Variants in HDAC4 observed in about 807,000 individuals in gnomAD.
HDAC4 encodes the protein histone deacetylase A.
A neutral mutation model predicts 135.1 loss-of-function variants in HDAC4; 16 were observed. That is an observed-to-expected ratio of 0.12 (90% CI 0.08 to 0.18). HDAC4 has a LOEUF of 0.18. HDAC4 is among the 10% of genes least tolerant of loss of function. The pLI is 1.00. For synonymous variants in HDAC4, 685 were observed against 653.4 expected (o/e 1.05, Z -0.74); for missense variants, 1,143 against 1,511.8 (o/e 0.76, Z 4.05).
intron 3 of HDAC4, 147 bp downstream of exon 3, chr2:239,236,446 C>A: frequency 1.5e-6 from 1 of 659,272 alleles, no homozygotes. Context: ...TCTTTTACCA[C>A]CAGGAAGAGC....
At chr2:239,324,851 C>T (rs374743113) in intron 2 of HDAC4, among the ~76,000 whole-genome samples, 30 of 152,102 alleles carry the variant, frequency 2.0e-4, no homozygotes, top group Admixed American at 1.6e-3. Flanking sequence ...ATGGCTGCAG[C>T]GCCCTGGCTT....
Position 239,054,741 on chromosome 2 carries a change from C to G in HDAC4, c.3088+8G>C. 1.9e-6 allele frequency: 3 copies of G among 1,601,226 alleles called. No homozygotes were observed. Among genetic ancestry groups the G allele is most frequent in the Non-Finnish European group, 2.6e-6 (3 of 1,168,314 alleles). On this transcript the variant is annotated splice_region_variant and intron_variant, in intron 25 of 26. Transcript: ENST00000543185. ...TGTCCCCTGTGAGCACCCAGCCAGG[C>G]AACTTACTGTGGATCTCCATGACTT... is the stretch of plus-strand genomic sequence containing the variant.
intron 4 of HDAC4, among the ~76,000 whole-genome samples, chr2:239,177,439 A>G (rs1340017774): frequency 6.6e-6 from 1 of 152,150 alleles, no homozygotes; most frequent in African/African-American, 2.4e-5. Flanking sequence ...GAAAAAACTA[A>G]CGCACAAGGA....
chr2:239,337,366 G>A (rs754949983), intron 2 of HDAC4, among the ~76,000 whole-genome samples: 6 of 152,074 alleles, frequency 3.9e-5, no homozygotes, highest in East Asian at 1.9e-4. Context: ...GCCACTAACC[G>A]GTGGGGACTC....
At chr2:239,304,079 G>T (rs7355702) in intron 2 of HDAC4, among the ~76,000 whole-genome samples, 1 of 152,130 alleles carries the variant, frequency 6.6e-6, no homozygotes, top group African/African-American at 2.4e-5. Flanking sequence ...CCAGCTCCCC[G>T]ACCCGTAAGC....
intron 1 of HDAC4, among the ~76,000 whole-genome samples, chr2:239,367,314 G>T (rs1300523456): frequency 2.0e-5 from 3 of 152,094 alleles, no homozygotes; most frequent in Non-Finnish European, 4.4e-5. Flanking sequence ...CCATAGACTG[G>T]CAAAGGGTAA....
chr2:239,280,770 TACACACCACTCTACAATGA>T (rs1383477131), intron 2 of HDAC4, among the ~76,000 whole-genome samples: 35 of 151,982 alleles, frequency 2.3e-4, no homozygotes, highest in African/African-American at 8.5e-4. Context: ...CTCCACAATG[TACACACCACTCTACAATGA>T]ACACACCACT....
At chr2:239,389,436 G>C (rs1004413757) in intron 1 of HDAC4, among the ~76,000 whole-genome samples, 1 of 152,134 alleles carries the variant, frequency 6.6e-6, no homozygotes, top group Non-Finnish European at 1.5e-5. Flanking sequence ...AGAAACCCCG[G>C]ACACATCTGA....
chr2:239,282,263 CACAATGTACACACCACTCT>C (rs2050821494), intron 2 of HDAC4, among the ~76,000 whole-genome samples: 1 of 132,550 alleles, frequency 7.5e-6, no homozygotes, highest in South Asian at 2.7e-4. Context: ...CCACTCTACA[CACAATGTACACACCACTCT>C]ACAATGTACA....
chr2:239,272,760 G>A (rs1280008326), intron 2 of HDAC4, among the ~76,000 whole-genome samples: 2 of 152,210 alleles, frequency 1.3e-5, no homozygotes, highest in Non-Finnish European at 2.9e-5. Context: ...TGCCCCAGGC[G>A]ATGCCCTCTG....
At chr2:239,074,002 G>A (rs911574913) in intron 22 of HDAC4, among the ~76,000 whole-genome samples, 5 of 147,354 alleles carry the variant, frequency 3.4e-5, no homozygotes, top group East Asian at 4.0e-4. Context: ...CAGGACTGAG[G>A]GGGGCAGCAG....
Position 239,309,400 on chromosome 2 carries a change from C to T in HDAC4, c.22+43278G>A, listed in dbSNP as rs1353714724. On this transcript the variant is annotated intron_variant, in intron 2 of 26. Transcript: ENST00000543185. This position sits in a 1 kb window ranked among gnomAD's most constrained non-coding sequence, Gnocchi z 4.2. ...ACTTAGTGCAGAGGCTGCACCCTTCCAGGCTGAAACCCAGCACCTACAGCA... is the reference window on the plus strand; with the variant it reads ...ACTTAGTGCAGAGGCTGCACCCTTCTAGGCTGAAACCCAGCACCTACAGCA... 2.0e-5 allele frequency among the ~76,000 whole-genome samples: 3 copies of T among 152,212 alleles called. No individual in the cohort carries two copies. The highest frequency in any genetic ancestry group is 6.5e-5 in the Admixed American group (1 of 15,282).
At chr2:239,291,955 G>C (rs897686795) in intron 2 of HDAC4, among the ~76,000 whole-genome samples, 1 of 152,234 alleles carries the variant, frequency 6.6e-6, no homozygotes, top group African/African-American at 2.4e-5. Context: ...CACAGCAACT[G>C]ATGGGGCAGG....
At chr2:239,154,684 G>A (rs1473703407) in intron 7 of HDAC4, 1 of 152,164 alleles carries the variant, frequency 6.6e-6, no homozygotes, top group East Asian at 1.9e-4. Flanking sequence ...AGGGAACCTG[G>A]AGGGCGATTT....
chr2:239,322,680 G>A (rs2053353549), intron 2 of HDAC4, among the ~76,000 whole-genome samples: 2 of 152,340 alleles, frequency 1.3e-5, no homozygotes, highest in South Asian at 4.1e-4. Flanking sequence ...CACAAGAGGT[G>A]TCTTGACTGG....
intron 2 of HDAC4, among the ~76,000 whole-genome samples, chr2:239,292,182 G>C (rs1325650611): frequency 1.3e-5 from 2 of 152,348 alleles, no homozygotes; most frequent in Middle Eastern, 6.8e-3. Flanking sequence ...AAGTGTTCCG[G>C]TGTTTTGTCA....
intron 1 of HDAC4, among the ~76,000 whole-genome samples, chr2:239,361,318 C>T (rs1051288703): frequency 6.6e-6 from 1 of 152,144 alleles, no homozygotes; most frequent in African/African-American, 2.4e-5. Context: ...CAAAAGAAAC[C>T]GTTTTCTGCC....
intron 12 of HDAC4, among the ~76,000 whole-genome samples, chr2:239,120,901 A>C (rs1254753224): frequency 6.6e-6 from 1 of 151,694 alleles, no homozygotes; most frequent in African/African-American, 2.4e-5. Flanking sequence ...GATCGAGGAA[A>C]AGGGTTTGTC....
chr2:239,134,220 T>G, intron 11 of HDAC4, 25 bp downstream of exon 11: 1 of 1,598,124 alleles, frequency 6.3e-7, no homozygotes, highest in Non-Finnish European at 8.5e-7. Context: ...AGAGCCTGGC[T>G]GCACCCAGGC....
Sources: gnomAD v4.1 joint callset for allele counts (sites outside exome capture counted in the v4.1 genomes callset) on GRCh38, gnomAD v4.1.1 for gene constraint, Gnocchi (gnomAD v3.1) non-coding constraint, MANE v1.5 for transcripts, NCBI Gene and HGNC (gene_info 2026-07-23, HGNC 2026-07-21) for gene names.